The following ANKRD31 variants were observed in gnomAD, a reference collection of about 807,000 sequenced individuals.
The protein encoded by ANKRD31 is ankyrin repeat domain 31, also known as ankyrin repeat domain-containing protein 31.
A neutral mutation model predicts 186.0 loss-of-function variants in ANKRD31; 147 were observed. That is an observed-to-expected ratio of 0.79 (90% CI 0.69 to 0.91). The LOEUF is 0.91. Among genes scored for constraint, ANKRD31 ranks in the 40% least tolerant of loss-of-function variants. The pLI is 0.00. For missense variants in ANKRD31, 1,986 were observed against 2,148.8 expected (o/e 0.92, Z 1.50); for synonymous variants, 673 against 736.4 (o/e 0.91, Z 1.39).
intron 4 of ANKRD31, among the ~76,000 whole-genome samples, chr5:75,208,442 CT>C (rs1246511222): frequency 6.6e-6 from 1 of 151,822 alleles, no homozygotes; most frequent in Non-Finnish European, 1.5e-5. Flanking sequence ...TTTCTCTGAT[CT>C]TTTTTTCTTG....
intron 2 of ANKRD31, among the ~76,000 whole-genome samples, chr5:75,222,603 C>G (rs972085849): frequency 6.6e-6 from 1 of 152,016 alleles, no homozygotes; most frequent in Non-Finnish European, 1.5e-5. Flanking sequence ...TCTCCCCTCA[C>G]CCCCCAACCC....
chr5:75,121,202 G>A (rs908489003), intron 17 of ANKRD31, among the ~76,000 whole-genome samples: 13 of 149,714 alleles, frequency 8.7e-5, no homozygotes, highest in African/African-American at 2.7e-4. Flanking sequence ...AAAAGATAGA[G>A]GGGTGGAAAA....
intron 2 of ANKRD31, among the ~76,000 whole-genome samples, chr5:75,224,129 T>TTATATATATATATATATATA (rs148986776): frequency 9.5e-6 from 1 of 105,750 alleles, no homozygotes; most frequent in Non-Finnish European, 1.9e-5. Context: ...TCAGAAATAA[T>TTATATATATATATATATATA]TATATATATA....
In ANKRD31 at chr5:75,146,657, CA is replaced by C. The variant is rs1227235170; in HGVS notation, c.2753del (p.Val918GlyfsTer17). The C allele has an allele frequency of 6.5e-7, 1 of 1,535,974 alleles. No individual in the cohort carries two copies. The highest frequency in any genetic ancestry group is 8.7e-7 in the Non-Finnish European group (1 of 1,146,220). On this transcript the variant is annotated frameshift_variant, in exon 14 of 26. Coordinates refer to ENST00000506364, the MANE Select transcript of ANKRD31 (RefSeq NM_001372053.1). LOFTEE classifies it high-confidence loss of function. Reference sequence around the variant, plus strand: ...GTTTTTTGCCACCTGTAGAACACAACACCTTTTTAGATGTTATAGCCTTCTC... The same window carrying C: ...GTTTTTTGCCACCTGTAGAACACAACCCTTTTTAGATGTTATAGCCTTCTC... ...TSEKAITSKK[V>X]LCSTGGKKHY...
intron 11 of ANKRD31, among the ~76,000 whole-genome samples, chr5:75,168,652 C>A (rs980062561): frequency 6.6e-6 from 1 of 152,014 alleles, no homozygotes; most frequent in Admixed American, 6.5e-5. Flanking sequence ...CTGGACATAA[C>A]TGCGTAACAC....
rs1745323575 is a variant in ANKRD31, at chr5:75,084,392, C to A, written c.5473-18G>T. On this transcript the variant is annotated intron_variant, in intron 23 of 25. Transcript: ENST00000506364. ...TACGTTACCTGCACATAATTAAGCA[C>A]AAAATTTATAAATCATACATTCTGT... is the stretch of plus-strand genomic sequence containing the variant. The A allele has an allele frequency of 6.8e-7, 1 of 1,479,548 alleles. No individual in the cohort carries two copies. Among genetic ancestry groups the A allele is most frequent in the Non-Finnish European group, 9.1e-7 (1 of 1,094,474 alleles). 91.7% of individuals were successfully genotyped at this position (1,479,548 alleles called of 1,614,324 possible).
chr5:75,206,343 TCTAA>T (rs780284236), intron 5 of ANKRD31, 64 bp downstream of exon 5: 7 of 670,878 alleles, frequency 1.0e-5, no homozygotes, highest in Non-Finnish European at 1.2e-5. Context: ...TAAATGTATA[TCTAA>T]CTAAGTCTTC....
At chr5:75,073,246 A>G (rs1269289735) in intron 25 of ANKRD31, among the ~76,000 whole-genome samples, 1 of 151,832 alleles carries the variant, frequency 6.6e-6, no homozygotes, top group Non-Finnish European at 1.5e-5. Context: ...GCAGTGAGCT[A>G]TGATCCTGCC....
intron 3 of ANKRD31, among the ~76,000 whole-genome samples, chr5:75,219,378 C>T (rs1168271303): frequency 6.6e-6 from 1 of 151,962 alleles, no homozygotes; most frequent in Non-Finnish European, 1.5e-5. Flanking sequence ...TAACACAGTC[C>T]CATTCACAAT....
intron 25 of ANKRD31, among the ~76,000 whole-genome samples, chr5:75,071,088 T>C (rs887155532): frequency 2.0e-5 from 3 of 152,126 alleles, no homozygotes; most frequent in Non-Finnish European, 4.4e-5. Flanking sequence ...TTTCCTTAAA[T>C]CTAGTGTTCC....
chr5:75,208,256 G>A (rs1756379468), intron 4 of ANKRD31, among the ~76,000 whole-genome samples: 1 of 152,128 alleles, frequency 6.6e-6, no homozygotes, highest in East Asian at 1.9e-4. Flanking sequence ...AAAGGGAGGA[G>A]TATTTTAATA....
At chr5:75,171,918 A>C (rs1753358072) in intron 10 of ANKRD31, among the ~76,000 whole-genome samples, 1 of 151,882 alleles carries the variant, frequency 6.6e-6, no homozygotes, top group Non-Finnish European at 1.5e-5. Context: ...AGACTTCTTA[A>C]CTTATGAGGC....
intron 5 of ANKRD31, among the ~76,000 whole-genome samples, chr5:75,205,281 T>C (rs1756101036): frequency 1.3e-5 from 2 of 152,240 alleles, no homozygotes; most frequent in Non-Finnish European, 2.9e-5. Context: ...CAAACTTATT[T>C]GCATGAACTC....
intron 10 of ANKRD31, among the ~76,000 whole-genome samples, chr5:75,178,894 C>T (rs983136228): frequency 1.3e-5 from 2 of 152,048 alleles, no homozygotes; most frequent in African/African-American, 2.4e-5. Context: ...CAGAGCAGAA[C>T]TGAAGGAAAT....
intron 10 of ANKRD31, among the ~76,000 whole-genome samples, chr5:75,171,611 A>G (rs1213410857): frequency 6.6e-6 from 1 of 151,856 alleles, no homozygotes; most frequent in Non-Finnish European, 1.5e-5. Flanking sequence ...ACAGAAATCA[A>G]TAAAGTATAA....
intron 1 of ANKRD31, among the ~76,000 whole-genome samples, chr5:75,231,056 T>C (rs950828484): frequency 3.3e-5 from 5 of 152,060 alleles, no homozygotes; most frequent in Non-Finnish European, 7.4e-5. Flanking sequence ...ATTTTCATAG[T>C]ATGCACTGAC....
rs1217070981 is a variant in ANKRD31 at position 75,098,963 on chromosome 5, G to C, written c.5331+5265C>G. ...ATTGCCCTGGCCAGAACTTCCAAAAGTATGTTGAATAGGAGTGGTGAGAGA... is the reference window on the plus strand; with the variant it reads ...ATTGCCCTGGCCAGAACTTCCAAAACTATGTTGAATAGGAGTGGTGAGAGA... On this transcript the variant is annotated intron_variant, in intron 22 of 25. Coordinates refer to ENST00000506364, the MANE Select transcript of ANKRD31 (RefSeq NM_001372053.1). 5.3e-5 allele frequency among the ~76,000 whole-genome samples: 8 copies of C among 152,188 alleles called. No homozygotes were observed. The East Asian group carries it at 1.5e-3, about 29-fold the overall frequency.
intron 10 of ANKRD31, among the ~76,000 whole-genome samples, chr5:75,170,414 T>A (rs998998205): frequency 1.3e-5 from 2 of 152,174 alleles, no homozygotes; most frequent in African/African-American, 2.4e-5. Flanking sequence ...GTAAATTGAC[T>A]AATCATGCTA....
At chr5:75,197,177 C>T (rs886972147) in intron 6 of ANKRD31, among the ~76,000 whole-genome samples, 9 of 152,208 alleles carry the variant, frequency 5.9e-5, no homozygotes, top group African/African-American at 2.2e-4. Context: ...ACAGGGATTA[C>T]ACGCATGAGC....
Sources: allele counts gnomAD v4.1 joint callset (sites outside exome capture counted in the v4.1 genomes callset), GRCh38; gene constraint gnomAD v4.1.1; transcripts MANE v1.5; gene names NCBI Gene and HGNC (gene_info 2026-07-23, HGNC 2026-07-21).